LRMDA: variants seen among roughly 807,000 people sequenced by gnomAD.
LRMDA encodes the protein leucine-rich melanocyte differentiation-associated protein.
A neutral mutation model predicts 29.8 loss-of-function variants in LRMDA; 18 were observed. The observed-to-expected ratio is 0.60, with a 90% CI of 0.42 to 0.90. The LOEUF is 0.90. Among genes scored for constraint, LRMDA ranks in the 40% least tolerant of loss-of-function variants. The pLI is 0.00. For missense variants in LRMDA, 273 were observed against 273.9 expected (o/e 1.00, Z 0.02); for synonymous variants, 125 against 109.4 (o/e 1.14, Z -0.89).
At chr10:75,835,753 C>G (rs1349937914) in intron 2 of LRMDA, among the ~76,000 whole-genome samples, 1 of 152,176 alleles carries the variant, frequency 6.6e-6, no homozygotes, top group Non-Finnish European at 1.5e-5. Flanking sequence ...GGCTAAGGCC[C>G]TTCAGGACTC....
Position 75,583,321 on chromosome 10 carries a change from G to A in LRMDA, c.131+144827G>A, listed in dbSNP as rs367878400. On this transcript the variant is annotated intron_variant, in intron 2 of 6. Coordinates refer to ENST00000611255, the MANE Select transcript of LRMDA (RefSeq NM_001305581.2). The stretch of plus-strand genomic sequence containing the variant: ...AGAGGTTTAATTGGCTCACAGTTCT[G>A]CAGGCTGTGCAGGAAGCACAGCAGC... Among the ~76,000 whole-genome samples, 5 of 152,158 alleles carry A rather than the reference G, an allele frequency of 3.3e-5. No homozygotes were observed. In the East Asian group the frequency reaches 9.6e-4, roughly 29 times the overall value.
intron 2 of LRMDA, among the ~76,000 whole-genome samples, chr10:75,808,413 C>T (rs922424866): frequency 6.6e-6 from 1 of 152,166 alleles, no homozygotes; most frequent in Non-Finnish European, 1.5e-5. Flanking sequence ...ACATATGGTT[C>T]CAGAAAAAGG....
At chr10:75,457,730 A>G (rs934183325) in intron 2 of LRMDA, among the ~76,000 whole-genome samples, 1 of 152,182 alleles carries the variant, frequency 6.6e-6, no homozygotes, top group African/African-American at 2.4e-5. Flanking sequence ...GCTGCCGTTT[A>G]TCTGGACGGC....
chr10:76,242,854 T>G (rs2132286994), intron 5 of LRMDA, among the ~76,000 whole-genome samples: 1 of 152,330 alleles, frequency 6.6e-6, no homozygotes, highest in East Asian at 1.9e-4. Flanking sequence ...TGTACTTTAT[T>G]GTTATGCCAC....
At chr10:75,659,561 A>G (rs1366543567) in intron 2 of LRMDA, among the ~76,000 whole-genome samples, 1 of 152,242 alleles carries the variant, frequency 6.6e-6, no homozygotes, top group East Asian at 1.9e-4. Flanking sequence ...AGACTGTATT[A>G]TCTCACTTAT....
At chr10:76,146,027 C>G (rs985906670) in intron 5 of LRMDA, among the ~76,000 whole-genome samples, 6 of 151,426 alleles carry the variant, frequency 4.0e-5, no homozygotes, top group Admixed American at 3.9e-4. Flanking sequence ...ATCCTGAGTT[C>G]TAGTTTGATT....
chr10:75,555,800 G>A (rs540915354), intron 2 of LRMDA, among the ~76,000 whole-genome samples: 5 of 152,286 alleles, frequency 3.3e-5, no homozygotes, highest in African/African-American at 1.2e-4. Flanking sequence ...GATGAAAGTA[G>A]CTGTTATAAG....
At chr10:76,240,833 CAT>C (rs964895218) in intron 5 of LRMDA, among the ~76,000 whole-genome samples, 27 of 17,496 alleles carry the variant, frequency 1.5e-3, no homozygotes, top group Admixed American at 0.015. Context: ...TATACACATA[CAT>C]ATATATGTGT....
chr10:76,382,683 G>C (rs1460663117), intron 6 of LRMDA, among the ~76,000 whole-genome samples: 1 of 152,122 alleles, frequency 6.6e-6, no homozygotes, highest in African/African-American at 2.4e-5. Context: ...ACATTTTTGT[G>C]GGGTGAGTCT....
At chr10:75,958,968 A>G (rs980389578) in intron 2 of LRMDA, among the ~76,000 whole-genome samples, 2 of 152,328 alleles carry the variant, frequency 1.3e-5, no homozygotes, top group African/African-American at 4.8e-5. Flanking sequence ...CCGCGAGAAC[A>G]GTATGGGAGA....
intron 2 of LRMDA, among the ~76,000 whole-genome samples, chr10:75,672,895 T>C (rs1841916625): frequency 6.6e-6 from 1 of 151,486 alleles, no homozygotes; most frequent in Admixed American, 6.6e-5. Context: ...CCTTCCACCG[T>C]TGGCTTTTAA....
chr10:75,804,084 A>T (rs1364755747), intron 2 of LRMDA, among the ~76,000 whole-genome samples: 1 of 152,140 alleles, frequency 6.6e-6, no homozygotes, highest in Non-Finnish European at 1.5e-5. Context: ...TTGGAAAGGC[A>T]CTCAGTAAGG....
rs1410444463 is a variant in LRMDA, at chr10:75,477,002, T to G, written c.131+38508T>G. ...CTCTTCTTTTCTCTCTCTCTTTTTT[T>G]TTTTTGGAGGCATGATCTCCTTCTA... On this transcript the variant is annotated intron_variant, in intron 2 of 6. Coordinates refer to ENST00000611255, the MANE Select transcript of LRMDA (RefSeq NM_001305581.2). Among the ~76,000 whole-genome samples the G allele has an allele frequency of 2.6e-5, 4 of 152,090 alleles. No individual in the cohort carries two copies. In the South Asian group the frequency reaches 8.3e-4, roughly 32 times the overall value.
At chr10:76,074,554 C>T (rs936779490) in intron 5 of LRMDA, among the ~76,000 whole-genome samples, 1 of 152,138 alleles carries the variant, frequency 6.6e-6, no homozygotes, top group African/African-American at 2.4e-5. Flanking sequence ...CCACCCCCCT[C>T]CCAGTTATTA....
intron 6 of LRMDA, among the ~76,000 whole-genome samples, chr10:76,404,366 T>C (rs950794541): frequency 6.6e-6 from 1 of 152,070 alleles, no homozygotes. Flanking sequence ...GCAAGCTAAA[T>C]AAAATGAAAT....
intron 2 of LRMDA, among the ~76,000 whole-genome samples, chr10:75,953,112 G>C (rs1378733705): frequency 1.3e-5 from 2 of 151,860 alleles, no homozygotes; most frequent in East Asian, 3.9e-4. Flanking sequence ...TCGTTCTGTT[G>C]TTCAGGCTTG....
intron 5 of LRMDA, among the ~76,000 whole-genome samples, chr10:76,059,853 G>A (rs141635791): frequency 9.9e-5 from 15 of 152,256 alleles, no homozygotes; most frequent in African/African-American, 3.4e-4. Context: ...GAATAAAATT[G>A]CTAGCAGTTG....
intron 6 of LRMDA, among the ~76,000 whole-genome samples, chr10:76,554,146 T>G (rs1162348983): frequency 1.3e-5 from 2 of 152,148 alleles, no homozygotes; most frequent in Non-Finnish European, 2.9e-5. Flanking sequence ...TAATGATGTC[T>G]GGGGAGAGAT....
At chr10:76,108,775 CAAG>C in intron 5 of LRMDA, among the ~76,000 whole-genome samples, 1 of 152,300 alleles carries the variant, frequency 6.6e-6, no homozygotes, top group Admixed American at 6.5e-5. Flanking sequence ...CTGCCTCCTC[CAAG>C]AAGACTTTCC....
Sources: allele counts gnomAD v4.1 joint callset (sites outside exome capture counted in the v4.1 genomes callset), GRCh38; gene constraint gnomAD v4.1.1; transcripts MANE v1.5; gene names NCBI Gene and HGNC (gene_info 2026-07-23, HGNC 2026-07-21).